QRICH1: variants seen among roughly 807,000 people sequenced by gnomAD.
QRICH1 encodes glutamine rich 1, also known as transcriptional regulator QRICH1.
QRICH1 carries 16 observed loss-of-function variants against 87.1 expected under a neutral mutation model. That is an observed-to-expected ratio of 0.18 (90% confidence interval 0.12 to 0.28). The LOEUF (loss-of-function observed/expected upper bound fraction) is 0.28. Ranked by LOEUF, QRICH1 falls within the 10% of genes least tolerant of loss-of-function variation. The pLI, the probability that QRICH1 is intolerant of heterozygous loss-of-function variation, is 1.00. For missense variants in QRICH1, 647 were observed against 951.7 expected (o/e 0.68, Z 4.21); for synonymous variants, 367 against 368.4 (o/e 1.00, Z 0.05).
At chr3:49,069,107 A>ATTATT (rs1412079462) in intron 2 of QRICH1, among the ~76,000 whole-genome samples, 64 of 124,022 alleles carry the variant, frequency 5.2e-4, no homozygotes, top group African/African-American at 1.8e-3. Context: ...TATTATTATT[A>ATTATT]TTTTTTTTTT....
rs9857294 is a variant in QRICH1, at chr3:49,062,227, C to T, written c.310-4337G>A. 2.3e-3 allele frequency among the ~76,000 whole-genome samples: 345 copies of T among 151,756 alleles called. 1 individual carries two copies. Among genetic ancestry groups the T allele is most frequent in the African/African-American group, 7.9e-3 (326 of 41,370 alleles). On this transcript the variant is annotated intron_variant, in intron 2 of 9. Transcript: ENST00000395443. ...ACACATGCTTGTAATCCCAGCTACTCGGAAGGCTGACGCAGCAAAATTGCC... is the reference window on the plus strand; with the variant it reads ...ACACATGCTTGTAATCCCAGCTACTTGGAAGGCTGACGCAGCAAAATTGCC...
At chr3:49,039,172 C>G (rs2093294653) in intron 6 of QRICH1, among the ~76,000 whole-genome samples, 1 of 150,222 alleles carries the variant, frequency 6.7e-6, no homozygotes, top group Non-Finnish European at 1.5e-5. Context: ...GCCTGGCCAA[C>G]ATGGTGAAAC....
At position 49,055,032 on chromosome 3, in the gene QRICH1, G is replaced by A. The variant is rs755232508; in HGVS notation, c.1338+1830C>T. ...AATTATTCTGCCTTATAAATAATTCGAAGGAAAAGAAATCCTGAGTTCTTA... is the reference window on the plus strand; with the variant it reads ...AATTATTCTGCCTTATAAATAATTCAAAGGAAAAGAAATCCTGAGTTCTTA... On this transcript the variant is annotated intron_variant, in intron 3 of 9. Transcript: ENST00000395443. Among the ~76,000 whole-genome samples, 7 of 151,976 alleles carry A rather than the reference G, an allele frequency of 4.6e-5. No individual in the cohort carries two copies. In the South Asian group the frequency reaches 8.3e-4, roughly 18 times the overall value.
chr3:49,075,697 T>C (rs1318639088), intron 2 of QRICH1, among the ~76,000 whole-genome samples: 6 of 152,120 alleles, frequency 3.9e-5, no homozygotes, highest in Admixed American at 3.9e-4. Context: ...TCCCAGCACT[T>C]TGGCACTTTG....
intron 2 of QRICH1, among the ~76,000 whole-genome samples, chr3:49,070,037 A>C (rs2093492081): frequency 6.6e-6 from 1 of 151,418 alleles, no homozygotes. Flanking sequence ...TTTGTCACCA[A>C]ATTTTTTTTT....
At chr3:49,070,616 G>A (rs2093495188) in intron 2 of QRICH1, among the ~76,000 whole-genome samples, 1 of 151,926 alleles carries the variant, frequency 6.6e-6, no homozygotes, top group African/African-American at 2.4e-5. Flanking sequence ...GTGTTTTTCT[G>A]TAGAGATGAG....
intron 2 of QRICH1, among the ~76,000 whole-genome samples, chr3:49,073,956 T>A (rs1214787816): frequency 1.3e-5 from 2 of 152,076 alleles, no homozygotes; most frequent in African/African-American, 2.4e-5. Context: ...AATTTTTTTT[T>A]ATTTTTTGTA....
intron 1 of QRICH1, among the ~76,000 whole-genome samples, chr3:49,092,728 G>C (rs1463862018): frequency 1.3e-5 from 2 of 151,996 alleles, no homozygotes; most frequent in Admixed American, 6.6e-5. Context: ...AAAACACAGC[G>C]GCAGGGTCAA....
chr3:49,064,849 T>C (rs1308327576), intron 2 of QRICH1, among the ~76,000 whole-genome samples: 1 of 152,038 alleles, frequency 6.6e-6, no homozygotes, highest in East Asian at 2.0e-4. Context: ...AAACCCTGTC[T>C]GTCCTAAAAA....
At chr3:49,086,124 G>A (rs1198619786) in intron 1 of QRICH1, among the ~76,000 whole-genome samples, 2 of 150,034 alleles carry the variant, frequency 1.3e-5, no homozygotes, top group African/African-American at 4.9e-5. Context: ...TTTAAATATA[G>A]CTGCATTGTA....
At chr3:49,053,615 T>C (rs962277049) in intron 3 of QRICH1, among the ~76,000 whole-genome samples, 1 of 152,078 alleles carries the variant, frequency 6.6e-6, no homozygotes, top group African/African-American at 2.4e-5. Context: ...AAGAACAGAT[T>C]TAGTCATGAG....
In QRICH1 at chr3:49,046,515, C is replaced by G; in HGVS notation, c.1581G>C (p.Gly527=). 1.2e-6 allele frequency: 2 copies of G among 1,614,078 alleles called. No homozygotes were observed. The highest frequency in any genetic ancestry group is 1.7e-6 in the Non-Finnish European group (2 of 1,180,014). Residue 527 remains glycine, a synonymous_variant, in exon 5 of 10, where the codon GGG becomes GGC. Transcript: ENST00000395443. ...GAGCTTCCCGTGTCATTAGACAGAGCCCATAATTCAACTCTGCCACAGCAG... is the reference window on the plus strand; with the variant it reads ...GAGCTTCCCGTGTCATTAGACAGAGGCCATAATTCAACTCTGCCACAGCAG... ...ISSAVAELNY[G]LCLMTREARN...
intron 3 of QRICH1, among the ~76,000 whole-genome samples, chr3:49,047,974 T>TA (rs2093348450): frequency 2.0e-5 from 3 of 152,080 alleles, no homozygotes; most frequent in Admixed American, 1.3e-4. Context: ...ACTCCTCAAG[T>TA]AAAAAAGTAA....
rs777048168 is a variant in QRICH1, at chr3:49,057,956, G to T, written c.310-66C>A. 5.0e-6 allele frequency: 8 copies of T among 1,611,802 alleles called. No individual in the cohort carries two copies. Among genetic ancestry groups the T allele is most frequent in the Non-Finnish European group, 6.8e-6 (8 of 1,179,734 alleles). On this transcript the variant is annotated intron_variant, in intron 2 of 9. Coordinates refer to ENST00000395443, the MANE Select transcript of QRICH1 (RefSeq NM_198880.3). This position sits in a 1 kb window ranked among gnomAD's most constrained non-coding sequence, Gnocchi z 5.4. ...ACTGAAAATCCAGTACCCAAGGAAAGAAAGAAAAGAGATCCCAGACAGGGG... is the reference window on the plus strand; with the variant it reads ...ACTGAAAATCCAGTACCCAAGGAAATAAAGAAAAGAGATCCCAGACAGGGG...
chr3:49,035,730 G>C (rs1469328344), intron 6 of QRICH1, among the ~76,000 whole-genome samples: 1 of 152,006 alleles, frequency 6.6e-6, no homozygotes. Context: ...TGAGGCAGCA[G>C]TGAACTATCA....
intron 1 of QRICH1, among the ~76,000 whole-genome samples, chr3:49,080,068 G>T (rs2042029624): frequency 6.6e-6 from 1 of 151,628 alleles, no homozygotes; most frequent in African/African-American, 2.4e-5. Flanking sequence ...TAGAGATCCG[G>T]TAACATTAGA....
At chr3:49,054,715 G>A (rs1206633030) in intron 3 of QRICH1, among the ~76,000 whole-genome samples, 1 of 152,030 alleles carries the variant, frequency 6.6e-6, no homozygotes, top group Non-Finnish European at 1.5e-5. Context: ...GAGCAGCCTG[G>A]GCAACACAGT....
intron 1 of QRICH1, among the ~76,000 whole-genome samples, chr3:49,087,857 C>T (rs2042198550): frequency 8.8e-6 from 1 of 113,076 alleles, no homozygotes; most frequent in African/African-American, 3.2e-5. Context: ...GTCTTCTATG[C>T]TTCTTTGAAA....
intron 6 of QRICH1, among the ~76,000 whole-genome samples, chr3:49,038,067 AT>A (rs938386726): frequency 1.1e-4 from 16 of 149,270 alleles, no homozygotes; most frequent in Non-Finnish European, 1.5e-4. Flanking sequence ...TAAAGGGTAG[AT>A]TTTTTTTTTT....
Sources: gnomAD v4.1 joint callset for allele counts (sites outside exome capture counted in the v4.1 genomes callset) on GRCh38, gnomAD v4.1.1 for gene constraint, Gnocchi (gnomAD v3.1) non-coding constraint, MANE v1.5 for transcripts, NCBI Gene and HGNC (gene_info 2026-07-23, HGNC 2026-07-21) for gene names.